Variants in KYNU observed in about 807,000 individuals in gnomAD.
The protein encoded by KYNU is kynureninase, also known as L-kynurenine hydrolase.
In KYNU, 54 loss-of-function variants were observed where a neutral mutation model predicts 59.2. The ratio of observed to expected loss-of-function variants is 0.91; its 90% confidence interval spans 0.73 to 1.14. KYNU has a LOEUF of 1.14. KYNU is among the 50% of genes most tolerant of loss of function. The probability of loss-of-function intolerance (pLI) is 0.00; values close to 1 mark genes in which losing one functional copy is unlikely to be tolerated. For missense variants in KYNU, 567 were observed against 554.4 expected (o/e 1.02, Z -0.23); for synonymous variants, 177 against 192.0 (o/e 0.92, Z 0.65).
intron 10 of KYNU, among the ~76,000 whole-genome samples, chr2:142,991,224 A>G (rs1371516): frequency 0.31 from 46,373 of 151,712 alleles, 8,440 homozygotes; most frequent in African/African-American, 0.5. Context: ...TGAGAATGCC[A>G]TAGCCCAAAA....
intron 2 of KYNU, among the ~76,000 whole-genome samples, chr2:142,886,050 C>T (rs1167732276): frequency 2.0e-5 from 3 of 151,974 alleles, no homozygotes; most frequent in Non-Finnish European, 2.9e-5. Flanking sequence ...ACAACAAATG[C>T]CCAACAAATA....
chr2:143,039,409 T>C (rs1437930147), intron 12 of KYNU, among the ~76,000 whole-genome samples: 2 of 152,172 alleles, frequency 1.3e-5, no homozygotes, highest in African/African-American at 4.8e-5. Flanking sequence ...AAAGTCTTCT[T>C]GATTATGATT....
chr2:142,902,670 GT>G (rs944773719), intron 2 of KYNU, among the ~76,000 whole-genome samples: 1 of 152,232 alleles, frequency 6.6e-6, no homozygotes, highest in African/African-American at 2.4e-5. Flanking sequence ...TGGAAACCTT[GT>G]AGCCACAAGT....
At chr2:142,960,477 C>T (rs16858404) in intron 7 of KYNU, 147 bp from the exon 8 acceptor site, 66,842 of 598,142 alleles carry the variant, frequency 0.11, 4,528 homozygotes, top group East Asian at 0.29. Flanking sequence ...AAATGCTGCT[C>T]TTATGCCAGA....
intron 1 of KYNU, among the ~76,000 whole-genome samples, chr2:142,878,880 C>T (rs965765533): frequency 1.3e-5 from 2 of 152,122 alleles, no homozygotes; most frequent in African/African-American, 4.8e-5. Flanking sequence ...TTGAGCTTAA[C>T]CATAATCCTT....
intron 2 of KYNU, among the ~76,000 whole-genome samples, chr2:142,918,338 T>C (rs1678390744): frequency 6.6e-6 from 1 of 152,160 alleles, no homozygotes; most frequent in African/African-American, 2.4e-5. Context: ...CAATTCATGA[T>C]TGGAAGTACT....
chr2:143,002,071 C>A (rs1685721551), intron 10 of KYNU, among the ~76,000 whole-genome samples: 1 of 152,112 alleles, frequency 6.6e-6, no homozygotes, highest in South Asian at 2.1e-4. Context: ...TGGGGAAAGA[C>A]AATGGATGGC....
intron 4 of KYNU, chr2:142,947,327 T>C (rs1459036336): frequency 1.7e-6 from 2 of 1,153,002 alleles, no homozygotes; most frequent in African/African-American, 3.1e-5. Context: ...CATTCCATTT[T>C]TTCTATTGCA....
chr2:143,020,122 A>G (rs1373133886), intron 10 of KYNU, among the ~76,000 whole-genome samples: 1 of 151,250 alleles, frequency 6.6e-6, no homozygotes, highest in Non-Finnish European at 1.5e-5. Flanking sequence ...AATTTTATTT[A>G]TTTCTATTCT....
At chr2:142,986,157 C>T (rs560247687) in intron 10 of KYNU, 136 bp downstream of exon 10, 1 of 676,444 alleles carries the variant, frequency 1.5e-6, no homozygotes, top group African/African-American at 1.8e-5. Context: ...TCCTACTCTG[C>T]TAACAACAAT....
At chr2:142,973,649 G>T (rs1684802003) in intron 8 of KYNU, among the ~76,000 whole-genome samples, 2 of 152,150 alleles carry the variant, frequency 1.3e-5, no homozygotes, top group Admixed American at 6.6e-5. Context: ...CCACTGGAGA[G>T]AATTCCAGCA....
At chr2:142,910,131 CTTTTTT>C (rs368644903) in intron 2 of KYNU, among the ~76,000 whole-genome samples, 3,626 of 105,490 alleles carry the variant, frequency 0.034, 110 homozygotes, top group African/African-American at 0.099. Context: ...TGTTCTTTGC[CTTTTTT>C]TTTTTTTTTT....
At chr2:142,946,415 C>T (rs1683781758) in intron 4 of KYNU, among the ~76,000 whole-genome samples, 1 of 152,182 alleles carries the variant, frequency 6.6e-6, no homozygotes, top group African/African-American at 2.4e-5. Context: ...GTCAAAATTA[C>T]TCCATGATCC....
chr2:143,037,976 G>T (rs1686933900), intron 12 of KYNU, among the ~76,000 whole-genome samples: 1 of 152,102 alleles, frequency 6.6e-6, no homozygotes, highest in Non-Finnish European at 1.5e-5. Flanking sequence ...GATTTAAAGA[G>T]TGTTAACATT....
In KYNU at chr2:142,916,869, T is replaced by C. The variant is rs576376508; in HGVS notation, c.170-1740T>C. On this transcript the variant is annotated intron_variant, in intron 2 of 13. Coordinates refer to ENST00000264170, the MANE Select transcript of KYNU (RefSeq NM_003937.3). ...GATTTACTAACAGGACATGTGTTAA[T>C]CAAGCAGTTCACTTTGAAAAGGAAA... Among the ~76,000 whole-genome samples the C allele has an allele frequency of 2.9e-4, 44 of 152,308 alleles. 1 individual carries two copies. The highest frequency in any genetic ancestry group is 6.8e-3 in the Middle Eastern group (2 of 294).
intron 10 of KYNU, among the ~76,000 whole-genome samples, chr2:143,027,478 C>A (rs752013053): frequency 3.3e-4 from 50 of 152,088 alleles, no homozygotes; most frequent in Non-Finnish European, 5.3e-4. Context: ...GTTTGCTTCT[C>A]CTGAATTCAT....
At chr2:143,013,929 C>T (rs753782141) in intron 10 of KYNU, among the ~76,000 whole-genome samples, 3 of 152,226 alleles carry the variant, frequency 2.0e-5, no homozygotes, top group Non-Finnish European at 4.4e-5. Context: ...CTGAAATGGC[C>T]TCATGCCTTT....
chr2:142,983,053 A>G (rs1685093111), intron 8 of KYNU, among the ~76,000 whole-genome samples: 1 of 152,056 alleles, frequency 6.6e-6, no homozygotes, highest in Non-Finnish European at 1.5e-5. Context: ...TTAAAACAAT[A>G]ACCATTGATT....
rs1331870289 is a variant in KYNU at position 143,043,688 on chromosome 2, T to G, written c.*1516T>G. ...ATAGATGGAAGAGTTCTCAAAACCTTAAAACTCATGCATAAGTGGATTCAT... is the reference window on the plus strand; with the variant it reads ...ATAGATGGAAGAGTTCTCAAAACCTGAAAACTCATGCATAAGTGGATTCAT... On this transcript the variant is annotated 3_prime_UTR_variant, in exon 14 of 14. Coordinates refer to ENST00000264170, the MANE Select transcript of KYNU (RefSeq NM_003937.3). 6.7e-6 allele frequency: 1 copy of G among 149,174 alleles called. No homozygotes were observed. The highest frequency in any genetic ancestry group is 2.4e-5 in the African/African-American group (1 of 40,826). 9.2% of individuals were successfully genotyped at this position (149,174 alleles called of 1,614,324 possible).
Sources: gnomAD v4.1 joint callset for allele counts (sites outside exome capture counted in the v4.1 genomes callset) on GRCh38, gnomAD v4.1.1 for gene constraint, MANE v1.5 for transcripts, NCBI Gene and HGNC (gene_info 2026-07-23, HGNC 2026-07-21) for gene names.